Variants in USP50 observed in about 807,000 individuals in gnomAD.
The protein encoded by USP50 is ubiquitin specific peptidase 50.
A neutral mutation model predicts 39.2 loss-of-function variants in USP50; 37 were observed. The ratio of observed to expected loss-of-function variants is 0.94; its 90% confidence interval spans 0.73 to 1.24. The LOEUF (loss-of-function observed/expected upper bound fraction) is 1.24. Ranked by LOEUF, USP50 falls within the 50% of genes most tolerant of loss-of-function variation. USP50 has a pLI of 0.00. For synonymous variants in USP50, 139 were observed against 144.5 expected (o/e 0.96, Z 0.27); for missense variants, 374 against 398.2 (o/e 0.94, Z 0.52).
Position 50,494,300 on chromosome 15 carries a change from T to TAA in USP50, n.185-172_185-171dup, listed in dbSNP as rs756655769. ...AATAAAGTAAGAAATTTGATTTTTC[T>TAA]AAGTTGCAGAGACTCTTTAGGGTTG... On this transcript the variant is annotated intron_variant and non_coding_transcript_variant, in intron 1 of 1. Coordinates refer to the USP50 transcript ENST00000560159. The TAA allele has an allele frequency of 5.7e-6, 9 of 1,582,286 alleles. No individual in the cohort carries two copies. In the South Asian group the frequency reaches 8.2e-5, roughly 14 times the overall value.
intron 5 of USP50, among the ~76,000 whole-genome samples, chr15:50,536,121 C>A (rs945174949): frequency 1.3e-5 from 2 of 152,038 alleles, no homozygotes; most frequent in East Asian, 3.9e-4. Flanking sequence ...ATTAGAAGAC[C>A]TAGCTAATGC....
At chr15:50,518,364 G>A (rs1046167341) in intron 6 of USP50, among the ~76,000 whole-genome samples, 4 of 143,512 alleles carry the variant, frequency 2.8e-5, no homozygotes, top group African/African-American at 4.9e-5. Flanking sequence ...GGGGCTACAG[G>A]CACCCACCAC....
intron 6 of USP50, chr15:50,502,194 GC>G (rs1172076379): frequency 6.6e-6 from 1 of 152,042 alleles, no homozygotes; most frequent in Non-Finnish European, 1.5e-5. Context: ...TGCAACCTCC[GC>G]CTCCCAGGTT....
chr15:50,536,763 G>GA (rs1240416426), intron 5 of USP50, among the ~76,000 whole-genome samples: 2 of 151,966 alleles, frequency 1.3e-5, no homozygotes, highest in Middle Eastern at 3.4e-3. Context: ...CCTATAGAAG[G>GA]AAAACTAGAA....
downstream of USP50, chr15:50,499,002 A>C (rs2052518817): frequency 6.2e-7 from 1 of 1,613,872 alleles, no homozygotes; most frequent in East Asian, 2.2e-5. Context: ...AGTTTCTGAT[A>C]TCTCCGTTTC....
At chr15:50,521,395 T>G (rs1346799476) in intron 6 of USP50, among the ~76,000 whole-genome samples, 1 of 152,152 alleles carries the variant, frequency 6.6e-6, no homozygotes, top group East Asian at 1.9e-4. Context: ...AAATACCACA[T>G]GTACCTTGTA....
At chr15:50,534,877 A>G (rs78317437) in intron 5 of USP50, among the ~76,000 whole-genome samples, 24,480 of 152,174 alleles carry the variant, frequency 0.16, 2,395 homozygotes, top group Admixed American at 0.29. Flanking sequence ...ACCGTGGCTC[A>G]TGCCTGTAAT....
intron 6 of USP50, chr15:50,510,390 G>C (rs1245183730): frequency 6.6e-6 from 1 of 151,812 alleles, no homozygotes; most frequent in Non-Finnish European, 1.5e-5. Flanking sequence ...AAACTTGATT[G>C]TCAGCAATTA....
chr15:50,533,607 C>A (rs936972964), intron 5 of USP50, among the ~76,000 whole-genome samples: 2 of 152,178 alleles, frequency 1.3e-5, no homozygotes, highest in African/African-American at 4.8e-5. Context: ...ACCTAGAATT[C>A]TGTAGTGTAA....
intron 6 of USP50, chr15:50,506,835 A>G (rs186314866): frequency 0.02 from 3,026 of 151,858 alleles, 43 homozygotes; most frequent in Non-Finnish European, 0.031. Flanking sequence ...GCAGGCGCCT[A>G]TAGTCCCAGC....
intron 5 of USP50, among the ~76,000 whole-genome samples, chr15:50,534,659 CAG>C (rs1273591397): frequency 6.6e-6 from 1 of 152,016 alleles, no homozygotes; most frequent in Non-Finnish European, 1.5e-5. Flanking sequence ...TAAAAGTAAA[CAG>C]AGGAAAATAT....
chr15:50,495,307 TATATATACATAC>T (rs2052346151), intron 1 of USP50, among the ~76,000 whole-genome samples: 1 of 9,370 alleles, frequency 1.1e-4, no homozygotes, highest in Non-Finnish European at 2.0e-4. Flanking sequence ...TATATACGTG[TATATATACATAC>T]ATATATACAC....
intron 6 of USP50, chr15:50,512,037 G>A (rs1427523044): frequency 6.6e-6 from 1 of 151,866 alleles, no homozygotes; most frequent in East Asian, 1.9e-4. Context: ...CGCAGAATAG[G>A]CACATCTATA....
At chr15:50,533,577 A>T (rs1282675651) in intron 5 of USP50, among the ~76,000 whole-genome samples, 1 of 152,222 alleles carries the variant, frequency 6.6e-6, no homozygotes, top group Non-Finnish European at 1.5e-5. Flanking sequence ...TGAAAGTGTT[A>T]AAAGGAAAAA....
intron 6 of USP50, among the ~76,000 whole-genome samples, chr15:50,525,554 GTGTATATATGTATATATGTATA>G (rs1566907534): frequency 1.3e-5 from 1 of 77,004 alleles, no homozygotes; most frequent in Non-Finnish European, 2.8e-5. Flanking sequence ...ATGTATATAT[GTGTATATATGTATATATGTATA>G]TGTATATATG....
chr15:50,524,518 T>C (rs2052873250), intron 6 of USP50, among the ~76,000 whole-genome samples: 1 of 152,206 alleles, frequency 6.6e-6, no homozygotes, highest in African/African-American at 2.4e-5. Flanking sequence ...ACAAAAATGT[T>C]CAACATCATT....
chr15:50,497,466 ATAAT>A (rs796327036), downstream of USP50: 5 of 356,796 alleles, frequency 1.4e-5, no homozygotes, highest in African/African-American at 8.4e-5. Context: ...ATAATTTTAA[ATAAT>A]TACAAAGCAT....
chr15:50,493,299 T>C, downstream of USP50: 1 of 516,404 alleles, frequency 1.9e-6, no homozygotes, highest in Non-Finnish European at 3.9e-6. Context: ...GACGTGAATC[T>C]GGTGGTAACC....
chr15:50,498,328 T>C, downstream of USP50: 1 of 301,588 alleles, frequency 3.3e-6, no homozygotes. Context: ...ATGTAGCAGT[T>C]GTAGCTGGAC....
Sources: allele counts gnomAD v4.1 joint callset (sites outside exome capture counted in the v4.1 genomes callset), GRCh38; gene constraint gnomAD v4.1.1; transcripts MANE v1.5; gene names NCBI Gene and HGNC (gene_info 2026-07-23, HGNC 2026-07-21).